Variants in CBR4 observed in about 807,000 individuals in gnomAD.
CBR4 encodes carbonyl reductase 4, also known as 3-oxoacyl-[acyl-carrier-protein] reductase.
In CBR4, 22 loss-of-function variants were observed where a neutral mutation model predicts 21.0. That is an observed-to-expected ratio of 1.05 (90% CI 0.75 to 1.50). The LOEUF is 1.50. Ranked by LOEUF, CBR4 falls within the 40% of genes most tolerant of loss-of-function variation. The pLI is 0.00. For missense variants in CBR4, 302 were observed against 286.3 expected (o/e 1.05, Z -0.40); for synonymous variants, 100 against 104.4 (o/e 0.96, Z 0.26).
intron 2 of CBR4, chr4:168,894,863 T>G: frequency 2.3e-6 from 2 of 883,934 alleles, no homozygotes; most frequent in Non-Finnish European, 3.4e-6. Flanking sequence ...GTTAAGTGAC[T>G]GACAGAATTC....
intron 2 of CBR4, among the ~76,000 whole-genome samples, chr4:168,917,975 C>T (rs1417464840): frequency 1.3e-5 from 2 of 151,832 alleles, no homozygotes; most frequent in Admixed American, 6.6e-5. Context: ...CTGAGGCGGG[C>T]GGATCACGAG....
intron 2 of CBR4, among the ~76,000 whole-genome samples, chr4:168,936,379 C>A (rs187735875): frequency 2.6e-5 from 4 of 152,208 alleles, no homozygotes; most frequent in Admixed American, 2.6e-4. Context: ...CTCTTCTCCT[C>A]CAAAGGATCA....
chr4:168,991,003 G>A (rs371470378), intron 4 of CBR4, among the ~76,000 whole-genome samples: 7 of 152,014 alleles, frequency 4.6e-5, no homozygotes, highest in African/African-American at 1.2e-4. Context: ...GGAGTGAGCC[G>A]AGATTGTGTC....
intron 2 of CBR4, among the ~76,000 whole-genome samples, chr4:168,935,207 G>T (rs989854969): frequency 6.6e-6 from 1 of 152,204 alleles, no homozygotes; most frequent in South Asian, 2.1e-4. Flanking sequence ...AAGGGAAGCC[G>T]TGAGGGACTG....
chr4:168,971,941 A>T (rs1385872121), intron 2 of CBR4, among the ~76,000 whole-genome samples: 2 of 152,108 alleles, frequency 1.3e-5, no homozygotes, highest in Non-Finnish European at 2.9e-5. Flanking sequence ...TAAGTCTTTG[A>T]TTCATCTTGA....
rs1487815645 is a variant in CBR4, at chr4:168,989,225, GTAT to G, written c.*922_*924del. 1.0e-5 allele frequency: 10 copies of G among 974,570 alleles called. No homozygotes were observed. The highest frequency in any genetic ancestry group is 4.9e-6 in the Non-Finnish European group (4 of 820,176). 60.4% of individuals were successfully genotyped at this position (974,570 alleles called of 1,614,324 possible). ...AAATACTCTTAATTTTTTAAATGTTGTATTTCTCGTTTTTAAATATTAATAGTT... is the reference window on the plus strand; with the variant it reads ...AAATACTCTTAATTTTTTAAATGTTGTTCTCGTTTTTAAATATTAATAGTT... On this transcript the variant is annotated 3_prime_UTR_variant, in exon 5 of 5. Coordinates refer to ENST00000306193, the MANE Select transcript of CBR4 (RefSeq NM_032783.5).
At chr4:168,961,940 C>CAGGAGAGGAGAGGAGAGGAGAGGAG (rs11267211) in intron 2 of CBR4, among the ~76,000 whole-genome samples, 3 of 133,594 alleles carry the variant, frequency 2.2e-5, no homozygotes, top group African/African-American at 3.0e-5. Context: ...GAGGAGAGCA[C>CAGGAGAGGAGAGGAGAGGAGAGGAG]AGGAGAGGAG....
chr4:168,963,052 G>T (rs1329296592), intron 2 of CBR4, among the ~76,000 whole-genome samples: 6 of 152,018 alleles, frequency 3.9e-5, no homozygotes, highest in Non-Finnish European at 5.9e-5. Flanking sequence ...TTAAATAATT[G>T]TCCAAATAAA....
At chr4:168,895,151 AGGTG>A (rs1439943525) in intron 2 of CBR4, among the ~76,000 whole-genome samples, 2 of 152,166 alleles carry the variant, frequency 1.3e-5, no homozygotes, top group Non-Finnish European at 2.9e-5. Context: ...TGGGAGGCTG[AGGTG>A]GGTGGATCAC....
intron 4 of CBR4, among the ~76,000 whole-genome samples, chr4:168,998,618 C>CTGG (rs1765318287): frequency 6.6e-6 from 1 of 152,122 alleles, no homozygotes; most frequent in Non-Finnish European, 1.5e-5. Flanking sequence ...TTGAACAATT[C>CTGG]TGGGACTATA....
At chr4:168,895,811 A>G (rs554341951) in intron 2 of CBR4, among the ~76,000 whole-genome samples, 39 of 152,332 alleles carry the variant, frequency 2.6e-4, no homozygotes, top group Admixed American at 5.9e-4. Flanking sequence ...AAAATAGAAA[A>G]TATTATCTCT....
intron 4 of CBR4, 26 bp from the exon 5 acceptor site, chr4:168,990,354 G>A (rs761197209): frequency 2.6e-6 from 4 of 1,551,136 alleles, no homozygotes; most frequent in Non-Finnish European, 3.5e-6. Flanking sequence ...TTGTTTAGTT[G>A]AAAAGGGTAC....
intron 2 of CBR4, among the ~76,000 whole-genome samples, chr4:168,953,794 G>A (rs1181563675): frequency 1.3e-5 from 2 of 151,982 alleles, no homozygotes; most frequent in Admixed American, 1.3e-4. Context: ...TTTTAAGACA[G>A]CATCTAATAT....
chr4:168,925,039 G>A (rs1762301349), intron 2 of CBR4: 2 of 1,614,036 alleles, frequency 1.2e-6, no homozygotes, highest in Non-Finnish European at 1.7e-6. Context: ...CAAGAATGAA[G>A]CAGGGATTGT....
intron 2 of CBR4, chr4:168,927,345 G>C: frequency 4.3e-6 from 1 of 232,514 alleles, no homozygotes; most frequent in Non-Finnish European, 8.5e-6. Context: ...AAAAAACACT[G>C]CCATTCACAA....
At chr4:168,974,971 T>C (rs1446418352) in intron 2 of CBR4, among the ~76,000 whole-genome samples, 1 of 152,234 alleles carries the variant, frequency 6.6e-6, no homozygotes, top group African/African-American at 2.4e-5. Context: ...GGGGATGCTA[T>C]TAAAGAATCT....
chr4:168,896,496 C>G, intron 2 of CBR4: 1 of 1,026,050 alleles, frequency 9.7e-7, no homozygotes, highest in South Asian at 1.4e-5. Flanking sequence ...AATCTTGCTG[C>G]ATTCTTATTA....
chr4:168,922,100 T>TACACACACACACAC (rs1257662371), intron 2 of CBR4, among the ~76,000 whole-genome samples: 1 of 96,632 alleles, frequency 1.0e-5, no homozygotes, highest in African/African-American at 3.6e-5. Context: ...TATATATATA[T>TACACACACACACAC]ATACACACAC....
chr4:168,905,350 A>G (rs1757487566), intron 2 of CBR4, among the ~76,000 whole-genome samples: 1 of 150,954 alleles, frequency 6.6e-6, no homozygotes, highest in East Asian at 2.0e-4. Flanking sequence ...GGGTTTCACC[A>G]TGTTAGCCAG....
Sources: allele counts gnomAD v4.1 joint callset (sites outside exome capture counted in the v4.1 genomes callset), GRCh38; gene constraint gnomAD v4.1.1; transcripts MANE v1.5; gene names NCBI Gene and HGNC (gene_info 2026-07-23, HGNC 2026-07-21).